CLIP1: variants seen among roughly 807,000 people sequenced by gnomAD.
CLIP1 encodes CAP-Gly domain-containing linker protein 1.
CLIP1 carries 66 observed loss-of-function variants against 161.6 expected under a neutral mutation model. The ratio of observed to expected loss-of-function variants is 0.41; its 90% CI spans 0.33 to 0.50. The LOEUF is 0.50. Among genes scored for constraint, CLIP1 ranks in the 20% least tolerant of loss-of-function variants. The probability of loss-of-function intolerance (pLI) is 0.27; values close to 1 mark genes in which losing one functional copy is unlikely to be tolerated. For missense variants in CLIP1, 1,376 were observed against 1,702.0 expected, an observed-to-expected ratio of 0.81 and a Z score of 3.37; for synonymous variants, 598 against 626.2, an observed-to-expected ratio of 0.96 and a Z score of 0.67.
At chr12:122,384,468 G>A (rs1181871836) in intron 1 of CLIP1, among the ~76,000 whole-genome samples, 1 of 152,086 alleles carries the variant, frequency 6.6e-6, no homozygotes, top group Admixed American at 6.6e-5. Context: ...CAAAGAAGTG[G>A]TGGCACTCGA....
chr12:122,319,977 T>C (rs1051260698), intron 17 of CLIP1, among the ~76,000 whole-genome samples: 8 of 152,092 alleles, frequency 5.3e-5, no homozygotes, highest in African/African-American at 1.9e-4. Context: ...AAATTAATTA[T>C]AAAAAGTTAG....
upstream of CLIP1, among the ~76,000 whole-genome samples, chr12:122,422,794 C>T (rs527409582): frequency 1.2e-4 from 5 of 42,994 alleles, no homozygotes; most frequent in African/African-American, 1.9e-4. Context: ...CCGCGCCGCC[C>T]CGCCGCCTCT....
chr12:122,363,662 C>A (rs1953989786), intron 4 of CLIP1, among the ~76,000 whole-genome samples: 1 of 151,638 alleles, frequency 6.6e-6, no homozygotes, highest in Admixed American at 6.6e-5. Flanking sequence ...TCCCCAGACG[C>A]CCAGGTATTC....
chr12:122,334,758 C>G, intron 12 of CLIP1, 53 bp from the exon 13 acceptor site: 1 of 1,146,626 alleles, frequency 8.7e-7, no homozygotes, highest in Non-Finnish European at 1.3e-6. Flanking sequence ...ATTGTAAAGA[C>G]AAGAAGTTTC....
intron 3 of CLIP1, among the ~76,000 whole-genome samples, chr12:122,377,142 G>A (rs150062873): frequency 5.9e-5 from 9 of 151,866 alleles, no homozygotes; most frequent in African/African-American, 2.2e-4. Flanking sequence ...CTGAGTAGCT[G>A]GGATTACAGG....
chr12:122,278,324 C>G, intron 23 of CLIP1, 121 bp from the exon 24 acceptor site: 1 of 870,362 alleles, frequency 1.1e-6, no homozygotes, highest in Non-Finnish European at 1.8e-6. Context: ...GTGGACTTCC[C>G]AGATGCACCA....
chr12:122,276,380 A>AGCC, intron 24 of CLIP1: 1 of 1,273,252 alleles, frequency 7.9e-7, no homozygotes, highest in South Asian at 1.3e-5. Flanking sequence ...TATAGTGGGA[A>AGCC]ACCACACACA....
chr12:122,421,525 G>A (rs758480842), intron 1 of CLIP1, among the ~76,000 whole-genome samples: 3 of 152,110 alleles, frequency 2.0e-5, no homozygotes, highest in Non-Finnish European at 4.4e-5. Context: ...AGAAGGCCAG[G>A]CTGCTGAATC....
rs1282488283 is a variant in CLIP1, at chr12:122,319,248, G to C, written c.3350C>G (p.Ala1117Gly). The C allele has an allele frequency of 1.2e-6, 2 of 1,608,588 alleles. No homozygotes were observed. Among genetic ancestry groups the C allele is most frequent in the Non-Finnish European group, 1.7e-6 (2 of 1,175,034 alleles). The part of the protein sequence containing the change: ...ASLEDTKQTN[A>G]KLQNELDTLK... ...TCTGATTACTTCATTCTGTAGTTTT[G>C]CATTTGTTTGCTTGGTGTCCTCCAA... Residue 1117 changes from alanine to glycine, a missense_variant, in exon 18 of 26, where the codon GCA becomes GGA. Ala to Gly is a moderately conservative substitution (Grantham distance 60). Transcript: ENST00000620786.
chr12:122,285,289 C>T (rs1435688743), intron 21 of CLIP1, among the ~76,000 whole-genome samples: 7 of 148,908 alleles, frequency 4.7e-5, no homozygotes, highest in East Asian at 2.0e-4. Context: ...TGCAGTGGCA[C>T]GATCTCGGCT....
intron 20 of CLIP1, among the ~76,000 whole-genome samples, chr12:122,292,455 A>G (rs1262605988): frequency 1.3e-5 from 2 of 151,618 alleles, no homozygotes; most frequent in East Asian, 3.9e-4. Context: ...CTCTCCACTA[A>G]TCTCTATTAT....
chr12:122,330,272 C>T (rs985523454), intron 15 of CLIP1, among the ~76,000 whole-genome samples: 1 of 152,148 alleles, frequency 6.6e-6, no homozygotes. Context: ...CACTGAGCCA[C>T]CACTACCTGT....
intron 20 of CLIP1, among the ~76,000 whole-genome samples, chr12:122,289,417 T>TAA (rs11384628): frequency 0.028 from 4,186 of 146,922 alleles, 94 homozygotes; most frequent in Middle Eastern, 0.052. Context: ...AGACTCCATC[T>TAA]AAAAAAAAAA....
In CLIP1 at chr12:122,309,761, C is replaced by T. The variant is rs1351729499; in HGVS notation, c.3594+1G>A. On this transcript the variant is annotated splice_donor_variant, in intron 20 of 25. Transcript: ENST00000620786. LOFTEE classifies it high-confidence loss of function. ...GGAACCCCTCGCCAAAGGACACTGA[C>T]CTTTTGATGACTTGTGACTTCGTCC... 1 of 1,612,126 alleles carries T rather than the reference C, an allele frequency of 6.2e-7. No homozygotes were observed. Among genetic ancestry groups the T allele is most frequent in the Non-Finnish European group, 8.5e-7 (1 of 1,179,936 alleles).
chr12:122,273,154 C>A (rs1424215028), intron 25 of CLIP1, 54 bp from the exon 26 acceptor site: 1 of 1,494,898 alleles, frequency 6.7e-7, no homozygotes, highest in Non-Finnish European at 9.2e-7. Context: ...ACTGAAGAGA[C>A]AAGAACACTT....
At chr12:122,354,911 C>T (rs1294010522) in intron 6 of CLIP1, 3 of 604,196 alleles carry the variant, frequency 5.0e-6, no homozygotes, top group Non-Finnish European at 8.7e-6. Context: ...ACACTAAGGT[C>T]GAATCAAGAA....
At chr12:122,357,776 C>T (rs1347573996) in intron 5 of CLIP1, among the ~76,000 whole-genome samples, 3 of 149,618 alleles carry the variant, frequency 2.0e-5, no homozygotes, top group African/African-American at 4.9e-5. Flanking sequence ...AGTGAGGAGC[C>T]CCTCTGCCCG....
chr12:122,408,809 G>A (rs1956420799), intron 1 of CLIP1, among the ~76,000 whole-genome samples: 1 of 151,630 alleles, frequency 6.6e-6, no homozygotes, highest in African/African-American at 2.4e-5. Context: ...AGGGCACCTT[G>A]ATATTTTTTT....
At chr12:122,326,809 C>A (rs1021431489) in intron 17 of CLIP1, among the ~76,000 whole-genome samples, 2 of 151,586 alleles carry the variant, frequency 1.3e-5, no homozygotes, top group Non-Finnish European at 2.9e-5. Flanking sequence ...ACCACAAAGA[C>A]AAAAGATCTG....
Sources: gnomAD v4.1 joint callset for allele counts (sites outside exome capture counted in the v4.1 genomes callset) on GRCh38, gnomAD v4.1.1 for gene constraint, MANE v1.5 for transcripts, NCBI Gene and HGNC (gene_info 2026-07-23, HGNC 2026-07-21) for gene names.